Variants in WWOX observed in about 807,000 individuals in gnomAD.
WWOX encodes WW domain containing oxidoreductase.
A neutral mutation model predicts 46.2 loss-of-function variants in WWOX; 69 were observed. The observed-to-expected ratio is 1.49, with a 90% CI of 1.23 to 1.82. The LOEUF (loss-of-function observed/expected upper bound fraction) is 1.82, where lower values mean the gene tolerates loss of function less well. Ranked by LOEUF, WWOX falls within the 40% of genes most tolerant of loss-of-function variation. WWOX has a pLI of 0.00. For missense variants in WWOX, 919 were observed against 542.6 expected (o/e 1.69, Z -6.89); for synonymous variants, 359 against 202.6 (o/e 1.77, Z -6.56).
chr16:78,295,666 G>A (rs1329823868), intron 5 of WWOX, among the ~76,000 whole-genome samples: 2 of 152,186 alleles, frequency 1.3e-5, no homozygotes, highest in Non-Finnish European at 2.9e-5. Flanking sequence ...AGCCAAGATC[G>A]CACCACTGGA....
chr16:79,125,210 T>A (rs2049725630), intron 8 of WWOX, among the ~76,000 whole-genome samples: 1 of 152,220 alleles, frequency 6.6e-6, no homozygotes, highest in African/African-American at 2.4e-5. Flanking sequence ...TAGATGTATA[T>A]TACAGCTGTA....
intron 5 of WWOX, among the ~76,000 whole-genome samples, chr16:78,372,623 G>C (rs547705654): frequency 1.3e-5 from 2 of 152,190 alleles, no homozygotes; most frequent in African/African-American, 2.4e-5. Context: ...ACTCTCCTTA[G>C]GGGAATTAGC....
chr16:79,031,194 C>A (rs1369797301), intron 8 of WWOX, among the ~76,000 whole-genome samples: 3 of 152,036 alleles, frequency 2.0e-5, no homozygotes, highest in Admixed American at 2.0e-4. Flanking sequence ...TCGCCCCCTT[C>A]TTGAGGGTGT....
intron 5 of WWOX, among the ~76,000 whole-genome samples, chr16:78,304,755 A>G (rs1422135669): frequency 6.6e-6 from 1 of 152,186 alleles, no homozygotes; most frequent in Non-Finnish European, 1.5e-5. Flanking sequence ...TCCTGTCAAC[A>G]TGTATCACTG....
intron 8 of WWOX, among the ~76,000 whole-genome samples, chr16:78,856,334 T>C (rs1037757593): frequency 1.3e-5 from 2 of 152,146 alleles, no homozygotes; most frequent in African/African-American, 2.4e-5. Context: ...GTAGTGACTT[T>C]TATCGAAGTA....
At chr16:78,874,821 C>A (rs1316709191) in intron 8 of WWOX, among the ~76,000 whole-genome samples, 1 of 148,844 alleles carries the variant, frequency 6.7e-6, no homozygotes, top group Non-Finnish European at 1.5e-5. Flanking sequence ...TTGGCCAAGA[C>A]TCACCACTAG....
intron 8 of WWOX, among the ~76,000 whole-genome samples, chr16:78,440,439 T>C (rs1009949669): frequency 1.3e-5 from 2 of 152,104 alleles, no homozygotes; most frequent in Middle Eastern, 3.2e-3. Context: ...GCAGTTTTGG[T>C]CTCTCAGATT....
chr16:78,753,836 ATATATATATATATATATATGTATATG>A (rs2049559197), intron 8 of WWOX, among the ~76,000 whole-genome samples: 1 of 98,464 alleles, frequency 1.0e-5, no homozygotes, highest in Admixed American at 9.7e-5. Context: ...ATATATATAT[ATATATATATATATATATATGTATATG>A]TATATGTATA....
chr16:78,357,594 C>G lies in WWOX; in HGVS notation c.517-29266C>G, dbSNP rs137938890. Among the ~76,000 whole-genome samples the G allele has an allele frequency of 1.2e-4, 18 of 152,224 alleles. No individual in the cohort carries two copies. The East Asian group carries it at 2.3e-3, about 20-fold the overall frequency. On this transcript the variant is annotated intron_variant, in intron 5 of 8. Coordinates refer to ENST00000566780, the MANE Select transcript of WWOX (RefSeq NM_016373.4). ...GTCTGGGACACATTTGTGGGCTATT[C>G]TATGCTAAACATTTCCATATCATTA...
intron 8 of WWOX, among the ~76,000 whole-genome samples, chr16:79,197,554 A>C (rs1462715090): frequency 1.3e-5 from 2 of 152,022 alleles, no homozygotes; most frequent in Non-Finnish European, 2.9e-5. Flanking sequence ...CCTTTAAGCA[A>C]AGCAATTCAT....
intron 8 of WWOX, among the ~76,000 whole-genome samples, chr16:79,033,923 A>G (rs2151400302): frequency 6.6e-6 from 1 of 152,320 alleles, no homozygotes; most frequent in South Asian, 2.1e-4. Flanking sequence ...GGCTGGCTAG[A>G]CCATGTCACA....
At chr16:78,775,596 C>T (rs765069913) in intron 8 of WWOX, among the ~76,000 whole-genome samples, 1 of 152,138 alleles carries the variant, frequency 6.6e-6, no homozygotes, top group Non-Finnish European at 1.5e-5. Flanking sequence ...TTCACTCCCC[C>T]ACCTCTCCCC....
intron 8 of WWOX, among the ~76,000 whole-genome samples, chr16:79,124,771 A>G (rs1267693022): frequency 1.3e-5 from 2 of 152,224 alleles, no homozygotes; most frequent in Admixed American, 6.5e-5. Flanking sequence ...AATTGGTTAG[A>G]AAGTGTGCAA....
intron 8 of WWOX, among the ~76,000 whole-genome samples, chr16:78,900,965 A>C (rs139702302): frequency 3.3e-5 from 5 of 152,312 alleles, no homozygotes; most frequent in African/African-American, 1.2e-4. Context: ...TCTCTCTAGA[A>C]GGGTACCACA....
At chr16:78,772,264 C>G (rs1223882404) in intron 8 of WWOX, among the ~76,000 whole-genome samples, 1 of 152,160 alleles carries the variant, frequency 6.6e-6, no homozygotes, top group Non-Finnish European at 1.5e-5. Context: ...CATCATTTAG[C>G]TTCCACTTGT....
At chr16:79,182,148 G>A (rs1168315434) in intron 8 of WWOX, among the ~76,000 whole-genome samples, 2 of 150,640 alleles carry the variant, frequency 1.3e-5, no homozygotes, top group African/African-American at 5.0e-5. Context: ...GGTGGCAAGG[G>A]AGGGACTCTT....
chr16:78,165,643 G>T (rs77154696), intron 5 of WWOX, among the ~76,000 whole-genome samples: 20,310 of 152,160 alleles, frequency 0.13, 1,558 homozygotes, highest in South Asian at 0.19. Flanking sequence ...GGTACACCCT[G>T]TGGAGGCCGT....
chr16:78,117,302 T>G (rs2032848646), intron 4 of WWOX, among the ~76,000 whole-genome samples: 1 of 151,988 alleles, frequency 6.6e-6, no homozygotes, highest in African/African-American at 2.4e-5. Context: ...GAGACCAGCC[T>G]TTCCTATTCA....
intron 8 of WWOX, among the ~76,000 whole-genome samples, chr16:78,557,414 G>C (rs2044325135): frequency 6.6e-6 from 1 of 152,162 alleles, no homozygotes; most frequent in Admixed American, 6.5e-5. Context: ...TTCAGCAGAT[G>C]TTAGCACGTG....
Sources: allele counts gnomAD v4.1 joint callset (sites outside exome capture counted in the v4.1 genomes callset), GRCh38; gene constraint gnomAD v4.1.1; transcripts MANE v1.5; gene names NCBI Gene and HGNC (gene_info 2026-07-23, HGNC 2026-07-21).